The following LIG3 variants were observed in gnomAD, a reference collection of about 807,000 sequenced individuals.
The protein encoded by LIG3 is DNA ligase 3.
A neutral mutation model predicts 110.9 loss-of-function variants in LIG3; 58 were observed. The ratio of observed to expected loss-of-function variants is 0.52; its 90% CI spans 0.42 to 0.65. LIG3 has a LOEUF of 0.65. LIG3 is among the 30% of genes least tolerant of loss of function. The pLI is 0.00. For synonymous variants in LIG3, 422 were observed against 472.8 expected, an observed-to-expected ratio of 0.89 and a Z score of 1.39; for missense variants, 1,094 against 1,273.8, an observed-to-expected ratio of 0.86 and a Z score of 2.15.
intron 8 of LIG3, 104 bp from the exon 9 acceptor site, chr17:34,994,172 G>T: frequency 9.2e-7 from 1 of 1,082,518 alleles, no homozygotes. Context: ...TCAGTCCCAA[G>T]ACCCAGGTAA....
rs1452949318 is a variant in LIG3 at position 35,008,203 on chromosome 17, A to C, written c.*3697A>C. ...CTTCTAGATCAGTGTAAATATCTGA[A>C]CTCACTTGGTGCTTCAACCCAATTG... On this transcript the variant is annotated 3_prime_UTR_variant, in exon 20 of 20. Coordinates refer to ENST00000378526, the MANE Select transcript of LIG3 (RefSeq NM_013975.4). The C allele has an allele frequency of 2.2e-4, 34 of 152,148 alleles. No individual in the cohort carries two copies. The highest frequency in any genetic ancestry group is 2.2e-3 in the Admixed American group (34 of 15,284). 9.4% of individuals were successfully genotyped at this position (152,148 alleles called of 1,614,324 possible).
chr17:34,984,475 A>G (rs1043255369), intron 2 of LIG3, among the ~76,000 whole-genome samples: 5 of 152,076 alleles, frequency 3.3e-5, no homozygotes, highest in African/African-American at 1.2e-4. Context: ...TTTTTAATGT[A>G]CTTCTTTACT....
intron 1 of LIG3, 88 bp downstream of exon 1, chr17:34,980,710 G>C: frequency 1.3e-6 from 1 of 780,964 alleles, no homozygotes; most frequent in Non-Finnish European, 1.6e-6. Context: ...GCGCGGCCGG[G>C]GAGCCAGCCC....
In LIG3 at chr17:35,008,587, T is replaced by A. The variant is rs944907129; in HGVS notation, c.*4081T>A. The A allele has an allele frequency of 6.6e-6, 1 of 152,134 alleles. No homozygotes were observed. Among genetic ancestry groups the A allele is most frequent in the Non-Finnish European group, 1.5e-5 (1 of 68,034 alleles). The allele number at this position is 152,134 out of a possible 1,614,324, so 9.4% of individuals were successfully genotyped here. A position where few individuals can be genotyped will look rare whatever the true frequency, so the allele number is the denominator to read the frequency against. On this transcript the variant is annotated 3_prime_UTR_variant, in exon 20 of 20. Coordinates refer to ENST00000378526, the MANE Select transcript of LIG3 (RefSeq NM_013975.4). ...TTGGGACTACCCACATGCACCACCA[T>A]GCACGGCTAATTTTTTGGTTTTTTT...
intron 3 of LIG3, 75 bp from the exon 4 acceptor site, chr17:34,989,391 C>A (rs1287365521): frequency 2.3e-6 from 3 of 1,314,008 alleles, no homozygotes; most frequent in Non-Finnish European, 3.2e-6. Flanking sequence ...AGCAGAATAT[C>A]TGTTAGTTTC....
In LIG3 at chr17:34,993,163, T is replaced by C. The variant is rs140093937; in HGVS notation, c.1455+471T>C. Among the ~76,000 whole-genome samples, 3 of 152,342 alleles carry C rather than the reference T, an allele frequency of 2.0e-5. No homozygotes were observed. In the East Asian group the frequency reaches 5.8e-4, roughly 29 times the overall value. On this transcript the variant is annotated intron_variant, in intron 8 of 19. Coordinates refer to ENST00000378526, the MANE Select transcript of LIG3 (RefSeq NM_013975.4). ...GGGAAGAGGGAGGACACATAAGGAATGAAGGCTGACTCTGACAGACATCAT... is the reference window on the plus strand; with the variant it reads ...GGGAAGAGGGAGGACACATAAGGAACGAAGGCTGACTCTGACAGACATCAT...
intron 8 of LIG3, among the ~76,000 whole-genome samples, chr17:34,993,656 T>C (rs1434325953): frequency 6.6e-6 from 1 of 152,218 alleles, no homozygotes; most frequent in African/African-American, 2.4e-5. Context: ...CTATTCTCTC[T>C]AACCTTCAGT....
In LIG3 at chr17:34,998,651, C is replaced by G. The variant is rs1248095284; in HGVS notation, c.2037C>G (p.Asp679Glu). The G allele has an allele frequency of 6.2e-7, 1 of 1,614,190 alleles. No homozygotes were observed. The highest frequency in any genetic ancestry group is 8.5e-7 in the Non-Finnish European group (1 of 1,180,000). The change falls in exon 14 of 20, where the codon GAC becomes GAG. Residue 679 changes from aspartate to glutamate, a missense_variant. Asp to Glu is a conservative substitution (Grantham distance 45). Coordinates refer to ENST00000378526, the MANE Select transcript of LIG3 (RefSeq NM_013975.4). The part of the protein sequence containing the change: ...GKRHWLKVKK[D>E]YLNEGAMADT... The stretch of plus-strand genomic sequence containing the variant: ...GGCACTGGCTGAAAGTGAAGAAAGA[C>G]TATTTGAACGAGGGGGCCATGGCCG...
intron 4 of LIG3, among the ~76,000 whole-genome samples, chr17:34,990,655 G>A (rs956091248): frequency 6.6e-6 from 1 of 152,270 alleles, no homozygotes; most frequent in East Asian, 1.9e-4. Context: ...CTGGAGTACA[G>A]TGGTGTGATC....
At chr17:34,994,477 C>A in intron 9 of LIG3, 46 bp downstream of exon 9, 1 of 1,581,160 alleles carries the variant, frequency 6.3e-7, no homozygotes, top group Non-Finnish European at 8.6e-7. Flanking sequence ...CCCCTTTCTG[C>A]CTCTAACAAC....
At chr17:34,988,353 GT>G (rs2090681668) in intron 3 of LIG3, among the ~76,000 whole-genome samples, 2 of 152,082 alleles carry the variant, frequency 1.3e-5, no homozygotes, top group South Asian at 4.2e-4. Flanking sequence ...GAAAGAGAGT[GT>G]TTTAGTTCTT....
In LIG3 at chr17:35,006,540, T is replaced by C. The variant is rs1005425661; in HGVS notation, c.*2034T>C. On this transcript the variant is annotated 3_prime_UTR_variant, in exon 20 of 20. Transcript: ENST00000378526. ...TAGCCCAGAGCCTAGCACATAGTTA[T>C]CTAGAGTTGGGAACGTCACTCCTGG... 4.6e-5 allele frequency: 7 copies of C among 152,246 alleles called. No individual in the cohort carries two copies. Among genetic ancestry groups the C allele is most frequent in the Admixed American group, 4.6e-4 (7 of 15,272 alleles). 9.4% of individuals were successfully genotyped at this position (152,246 alleles called of 1,614,324 possible).
At chr17:34,980,717 GCCCCCCGGCTCCT>G in intron 1 of LIG3, 95 bp downstream of exon 1, 1 of 711,282 alleles carries the variant, frequency 1.4e-6, no homozygotes, top group Non-Finnish European at 1.7e-6. Context: ...CGGGGAGCCA[GCCCCCCGGCTCCT>G]CCCCCGCCCG....
In LIG3 at chr17:34,983,107, A is replaced by C. The variant is rs748711032; in HGVS notation, c.102A>C (p.Gln34His). The C allele has an allele frequency of 6.2e-7, 1 of 1,614,160 alleles. No individual in the cohort carries two copies. The highest frequency in any genetic ancestry group is 1.7e-5 in the Admixed American group (1 of 60,020). ...AACATCACTGGCGTGATGTAAGACAATTCAGCCAGTGGTCAGAAACAGATC... is the reference window on the plus strand; with the variant it reads ...AACATCACTGGCGTGATGTAAGACACTTCAGCCAGTGGTCAGAAACAGATC... Reference protein sequence around the residue: ...FRKHHWRDVRQFSQWSETDLL... With the variant: ...FRKHHWRDVRHFSQWSETDLL... Residue 34 changes from glutamine (Q) to histidine (H), a missense_variant, in exon 2 of 20, where the codon CAA becomes CAC. Physicochemically the swap from Gln to His is conservative, Grantham distance 24. Transcript: ENST00000378526.
chr17:34,993,002 G>C (rs546765124), intron 8 of LIG3, among the ~76,000 whole-genome samples: 2 of 152,078 alleles, frequency 1.3e-5, no homozygotes, highest in Non-Finnish European at 2.9e-5. Flanking sequence ...ACTGCCTGAG[G>C]CATCCCCCTA....
In LIG3 at chr17:34,991,846, G is replaced by C. The variant is rs773316405; in HGVS notation, c.1208+9G>C. ...CAGGACATTGCCTCCAGGTGGGGGA[G>C]CTGCCTCCGTCAAACCATGCCCATA... On this transcript the variant is annotated intron_variant, in intron 6 of 19. Coordinates refer to ENST00000378526, the MANE Select transcript of LIG3 (RefSeq NM_013975.4). 1.9e-5 allele frequency: 31 copies of C among 1,614,040 alleles called. No homozygotes were observed. The South Asian group carries it at 3.3e-4, about 17-fold the overall frequency.
intron 2 of LIG3, among the ~76,000 whole-genome samples, 197 bp downstream of exon 2, chr17:34,983,749 T>A (rs2090629105): frequency 6.6e-6 from 1 of 152,238 alleles, no homozygotes; most frequent in South Asian, 2.1e-4. Context: ...TCATCCTGAC[T>A]CAGCCTCCCA....
chr17:35,001,310 T>C lies in LIG3; in HGVS notation c.2385T>C (p.His795=). The part of the protein sequence containing the change: ...TGAEFSKSEA[H]TADGISIRFP... ...CTGAATTCTCCAAATCGGAGGCTCA[T>C]ACAGCTGACGGGATCTCCATCCGAT... Residue 795 remains histidine (H), a synonymous_variant, in exon 17 of 20, where the codon CAT becomes CAC. Coordinates refer to ENST00000378526, the MANE Select transcript of LIG3 (RefSeq NM_013975.4). The C allele has an allele frequency of 6.2e-7, 1 of 1,614,202 alleles. No individual in the cohort carries two copies. The highest frequency in any genetic ancestry group is 8.5e-7 in the Non-Finnish European group (1 of 1,180,018).
intron 1 of LIG3, 21 bp from the exon 2 acceptor site, chr17:34,982,981 G>C: frequency 7.8e-7 from 1 of 1,290,188 alleles, no homozygotes; most frequent in Admixed American, 3.0e-5. Flanking sequence ...TTTTTTTTTG[G>C]CCTCCTACTC....
Sources: allele counts gnomAD v4.1 joint callset (sites outside exome capture counted in the v4.1 genomes callset), GRCh38; gene constraint gnomAD v4.1.1; transcripts MANE v1.5; gene names NCBI Gene and HGNC (gene_info 2026-07-23, HGNC 2026-07-21).